Variants in TENM4 observed in about 807,000 individuals in gnomAD.
TENM4 encodes teneurin-4.
A neutral mutation model predicts 243.3 loss-of-function variants in TENM4; 82 were observed. That is an observed-to-expected ratio of 0.34 (90% CI 0.28 to 0.40). The LOEUF is 0.40. TENM4 is among the 10% of genes least tolerant of loss of function. The pLI is 1.00. For synonymous variants in TENM4, 1,412 were observed against 1,456.3 expected (o/e 0.97, Z 0.69); for missense variants, 3,138 against 3,673.3 (o/e 0.85, Z 3.77).
chr11:78,883,006 C>T (rs1202638874), intron 9 of TENM4, among the ~76,000 whole-genome samples: 2 of 152,136 alleles, frequency 1.3e-5, no homozygotes, highest in African/African-American at 4.8e-5. Context: ...ATGCAGAAGC[C>T]CACATCTGAG....
intron 6 of TENM4, among the ~76,000 whole-genome samples, chr11:79,038,967 C>T (rs1258855998): frequency 5.3e-5 from 8 of 152,174 alleles, no homozygotes; most frequent in Non-Finnish European, 1.0e-4. Context: ...AGGATTACAT[C>T]TAGAGTGATA....
At chr11:78,710,996 C>G (rs913178161) in intron 26 of TENM4, among the ~76,000 whole-genome samples, 1 of 152,168 alleles carries the variant, frequency 6.6e-6, no homozygotes, top group Non-Finnish European at 1.5e-5. Context: ...TTTAGCCCAA[C>G]CTGTTCATTA....
intron 9 of TENM4, among the ~76,000 whole-genome samples, chr11:78,864,303 G>C (rs1042333263): frequency 6.6e-6 from 1 of 150,792 alleles, no homozygotes; most frequent in African/African-American, 2.4e-5. Context: ...GCGTAGTGGC[G>C]GGCGCCTGTA....
At chr11:78,793,017 T>C (rs1238807658) in intron 15 of TENM4, among the ~76,000 whole-genome samples, 3 of 152,158 alleles carry the variant, frequency 2.0e-5, no homozygotes, top group Non-Finnish European at 4.4e-5. Flanking sequence ...TGTCAAAAAA[T>C]GTATATGTAC....
At position 79,092,690 on chromosome 11, in the gene TENM4, T is replaced by G. The variant is rs551121176; in HGVS notation, c.-65-22681A>C. ...TCAAGTTAGTACATTAATAAAGTAA[T>G]GCATTAATTAATAGATCCATCAAAC... On this transcript the variant is annotated intron_variant, in intron 4 of 33. Coordinates refer to ENST00000278550, the MANE Select transcript of TENM4 (RefSeq NM_001098816.3). 2.6e-5 allele frequency among the ~76,000 whole-genome samples: 4 copies of G among 152,338 alleles called. No homozygotes were observed. The East Asian group carries it at 7.7e-4, about 29-fold the overall frequency.
At position 79,325,173 on chromosome 11, in the gene TENM4, C is replaced by A. The variant is rs777922284; in HGVS notation, c.-320-27630G>T. Reference sequence around the variant, plus strand: ...CAATGGCATCTTTTAGCTGGCTCTGCCCATTCCTGAGAAGTGAGTTCTAAC... The same window carrying A: ...CAATGGCATCTTTTAGCTGGCTCTGACCATTCCTGAGAAGTGAGTTCTAAC... On this transcript the variant is annotated intron_variant, in intron 1 of 33. Transcript: ENST00000278550. Among the ~76,000 whole-genome samples the A allele has an allele frequency of 3.5e-4, 54 of 152,332 alleles. 1 individual carries two copies. The highest frequency in any genetic ancestry group is 1.2e-3 in the South Asian group (6 of 4,826).
chr11:79,086,241 C>T (rs1341947320), intron 4 of TENM4, among the ~76,000 whole-genome samples: 1 of 152,216 alleles, frequency 6.6e-6, no homozygotes, highest in Admixed American at 6.5e-5. Flanking sequence ...TGGAAAACAG[C>T]TGTCATATAA....
At chr11:78,827,275 A>C (rs1262604304) in intron 12 of TENM4, among the ~76,000 whole-genome samples, 1 of 152,142 alleles carries the variant, frequency 6.6e-6, no homozygotes, top group Non-Finnish European at 1.5e-5. Context: ...TTTCTGAACC[A>C]GGAGTTTAAG....
At chr11:78,709,473 A>C (rs1046123291) in intron 26 of TENM4, among the ~76,000 whole-genome samples, 1 of 152,020 alleles carries the variant, frequency 6.6e-6, no homozygotes. Context: ...TTTCTCCCTG[A>C]CCCAACTTGT....
intron 20 of TENM4, among the ~76,000 whole-genome samples, chr11:78,733,439 G>A (rs925699373): frequency 2.6e-5 from 4 of 152,162 alleles, no homozygotes; most frequent in South Asian, 4.1e-4. Flanking sequence ...ATGACCCCCT[G>A]CTAAGTCCCT....
intron 6 of TENM4, among the ~76,000 whole-genome samples, chr11:78,990,899 T>C (rs752502326): frequency 2.0e-5 from 3 of 152,242 alleles, no homozygotes; most frequent in Non-Finnish European, 4.4e-5. Context: ...ATGTGTTAAC[T>C]TGCATAATTA....
chr11:79,163,065 T>C (rs1292566517), intron 3 of TENM4, among the ~76,000 whole-genome samples: 3 of 152,158 alleles, frequency 2.0e-5, no homozygotes, highest in Admixed American at 6.5e-5. Flanking sequence ...GAAGGCAGCA[T>C]GTTTAATGTA....
intron 6 of TENM4, among the ~76,000 whole-genome samples, chr11:79,013,245 A>G (rs187572389): frequency 1.2e-4 from 18 of 151,862 alleles, no homozygotes; most frequent in Admixed American, 3.9e-4. Flanking sequence ...ACTATCCTCC[A>G]CCCATTTCCA....
chr11:78,864,764 T>G (rs1239009803), intron 9 of TENM4, among the ~76,000 whole-genome samples: 2 of 152,198 alleles, frequency 1.3e-5, no homozygotes, highest in African/African-American at 4.8e-5. Flanking sequence ...GGATGTAACA[T>G]TCACTCCTTT....
At chr11:79,325,468 C>T (rs1311166407) in intron 1 of TENM4, among the ~76,000 whole-genome samples, 1 of 152,166 alleles carries the variant, frequency 6.6e-6, no homozygotes, top group Non-Finnish European at 1.5e-5. Context: ...GAAAGGAATG[C>T]CCCACTGGTA....
Position 79,012,659 on chromosome 11 carries a change from G to A in TENM4, c.493+52079C>T, listed in dbSNP as rs553233479. Reference sequence around the variant, plus strand: ...ATCAAGGTAGTTTGCTGTGCTGAACGAGATATAGGAGGAGGTACAGGATGA... The same window carrying A: ...ATCAAGGTAGTTTGCTGTGCTGAACAAGATATAGGAGGAGGTACAGGATGA... On this transcript the variant is annotated intron_variant, in intron 6 of 33. Coordinates refer to ENST00000278550, the MANE Select transcript of TENM4 (RefSeq NM_001098816.3). Among the ~76,000 whole-genome samples, 9 of 152,316 alleles carry A rather than the reference G, an allele frequency of 5.9e-5. No homozygotes were observed. The East Asian group carries it at 1.7e-3, about 29-fold the overall frequency.
chr11:79,287,850 C>T (rs1028764664), intron 2 of TENM4, among the ~76,000 whole-genome samples: 18 of 150,434 alleles, frequency 1.2e-4, no homozygotes, highest in African/African-American at 4.2e-4. Flanking sequence ...GCTCAGAAGT[C>T]ACACTGCATC....
chr11:78,956,438 T>C (rs1173286299), intron 6 of TENM4, among the ~76,000 whole-genome samples: 1 of 152,206 alleles, frequency 6.6e-6, no homozygotes, highest in Non-Finnish European at 1.5e-5. Flanking sequence ...TTTCCAGGCC[T>C]GACAGCCACC....
chr11:79,322,447 G>A (rs1856906974), intron 1 of TENM4, among the ~76,000 whole-genome samples: 2 of 152,166 alleles, frequency 1.3e-5, no homozygotes, highest in African/African-American at 4.8e-5. Flanking sequence ...TTGAGGCTGT[G>A]GTCTCACAGC....
Sources: gnomAD v4.1 joint callset for allele counts (sites outside exome capture counted in the v4.1 genomes callset) on GRCh38, gnomAD v4.1.1 for gene constraint, MANE v1.5 for transcripts, NCBI Gene and HGNC (gene_info 2026-07-23, HGNC 2026-07-21) for gene names.